SMYD3: variants seen among roughly 807,000 people sequenced by gnomAD.
The protein encoded by SMYD3 is SET and MYND domain containing 3.
In SMYD3, 36 loss-of-function variants were observed where a neutral mutation model predicts 57.7. The observed-to-expected ratio is 0.62, with a 90% CI of 0.48 to 0.82. The LOEUF is 0.82. Among genes scored for constraint, SMYD3 ranks in the 40% least tolerant of loss-of-function variants. The pLI is 0.00. For synonymous variants in SMYD3, 211 were observed against 195.0 expected (o/e 1.08, Z -0.68); for missense variants, 515 against 538.8 (o/e 0.96, Z 0.44).
chr1:245,856,088 C>A (rs888427245), intron 10 of SMYD3, among the ~76,000 whole-genome samples: 8 of 152,206 alleles, frequency 5.3e-5, no homozygotes, highest in Admixed American at 5.2e-4. Context: ...AAAACCACTG[C>A]CAACTTCTCC....
At chr1:246,262,957 G>A (rs1247436776) in intron 5 of SMYD3, among the ~76,000 whole-genome samples, 2 of 152,154 alleles carry the variant, frequency 1.3e-5, no homozygotes, top group African/African-American at 4.8e-5. Context: ...GCCTGACACA[G>A]CATGATGCAC....
chr1:246,302,559 G>T (rs1265197917), intron 5 of SMYD3, among the ~76,000 whole-genome samples: 1 of 152,194 alleles, frequency 6.6e-6, no homozygotes, highest in Non-Finnish European at 1.5e-5. Context: ...CTGTTACAAT[G>T]ATTTATATAT....
chr1:246,119,413 CTTTTT>C (rs111657622), intron 5 of SMYD3, among the ~76,000 whole-genome samples: 16 of 130,196 alleles, frequency 1.2e-4, no homozygotes, highest in East Asian at 4.2e-4. Flanking sequence ...TTTGTTCTTT[CTTTTT>C]TTTTTTTTTT....
chr1:246,098,670 A>G (rs1283960066), intron 5 of SMYD3, among the ~76,000 whole-genome samples: 1 of 152,192 alleles, frequency 6.6e-6, no homozygotes, highest in Non-Finnish European at 1.5e-5. Context: ...AATTATGTTC[A>G]TCACTTAGAA....
chr1:245,913,312 T>G (rs1173179474), intron 8 of SMYD3, among the ~76,000 whole-genome samples: 2 of 138,772 alleles, frequency 1.4e-5, no homozygotes, highest in African/African-American at 2.7e-5. Context: ...AATTGAACAA[T>G]GAGAACACAT....
intron 5 of SMYD3, among the ~76,000 whole-genome samples, chr1:246,235,082 G>A (rs928044096): frequency 3.9e-5 from 6 of 152,128 alleles, no homozygotes; most frequent in Non-Finnish European, 8.8e-5. Flanking sequence ...TCAAAACTAG[G>A]AGGTCCTTTG....
intron 1 of SMYD3, among the ~76,000 whole-genome samples, chr1:246,504,861 G>A (rs2068512160): frequency 6.6e-6 from 1 of 152,216 alleles, no homozygotes; most frequent in African/African-American, 2.4e-5. Flanking sequence ...AAGATGACAA[G>A]TAATACAGAA....
At chr1:245,903,939 A>G (rs2054370773) in intron 8 of SMYD3, among the ~76,000 whole-genome samples, 1 of 151,954 alleles carries the variant, frequency 6.6e-6, no homozygotes, top group African/African-American at 2.4e-5. Flanking sequence ...CCCTAGAGAC[A>G]TTTTCCCCGC....
At chr1:246,431,977 C>T (rs1282231147) in intron 1 of SMYD3, among the ~76,000 whole-genome samples, 6 of 152,158 alleles carry the variant, frequency 3.9e-5, no homozygotes, top group African/African-American at 1.4e-4. Context: ...ACATATCTGA[C>T]TATACTCTGG....
chr1:245,948,581 A>G (rs2057504989), intron 5 of SMYD3, among the ~76,000 whole-genome samples: 1 of 152,116 alleles, frequency 6.6e-6, no homozygotes, highest in African/African-American at 2.4e-5. Context: ...TCGAGTCCTA[A>G]GCAGCTACAG....
At chr1:246,036,689 G>A (rs1185391266) in intron 5 of SMYD3, among the ~76,000 whole-genome samples, 9 of 148,880 alleles carry the variant, frequency 6.0e-5, no homozygotes, top group Non-Finnish European at 1.2e-4. Context: ...GAGTAGCTGG[G>A]ACTACAGGCG....
chr1:246,120,411 G>A (rs2061407439), intron 5 of SMYD3, among the ~76,000 whole-genome samples: 2 of 151,992 alleles, frequency 1.3e-5, no homozygotes, highest in Admixed American at 1.3e-4. Context: ...TAAATTCCTA[G>A]TCCCCCTTCC....
intron 1 of SMYD3, among the ~76,000 whole-genome samples, chr1:246,404,307 C>A (rs1007482149): frequency 6.6e-6 from 1 of 152,194 alleles, no homozygotes; most frequent in African/African-American, 2.4e-5. Flanking sequence ...GAACACATTT[C>A]CTCCAGCCTG....
chr1:246,495,202 A>G (rs1451900769), intron 1 of SMYD3, among the ~76,000 whole-genome samples: 1 of 152,014 alleles, frequency 6.6e-6, no homozygotes, highest in Non-Finnish European at 1.5e-5. Context: ...ACAAAAAATT[A>G]GCCAGGCGTG....
At chr1:246,085,739 T>A (rs565642594) in intron 5 of SMYD3, among the ~76,000 whole-genome samples, 8 of 152,268 alleles carry the variant, frequency 5.3e-5, no homozygotes, top group Non-Finnish European at 1.0e-4. Flanking sequence ...GTCTCCCATG[T>A]CACATAAAAC....
chr1:246,177,669 A>C (rs2062457039), intron 5 of SMYD3, among the ~76,000 whole-genome samples: 1 of 152,192 alleles, frequency 6.6e-6, no homozygotes, highest in Non-Finnish European at 1.5e-5. Flanking sequence ...TTCTAAGTAA[A>C]GCCTAGTCCA....
chr1:246,153,392 A>G (rs1276650780), intron 5 of SMYD3, among the ~76,000 whole-genome samples: 4 of 115,802 alleles, frequency 3.5e-5, no homozygotes, highest in Non-Finnish European at 1.7e-5. Flanking sequence ...TCAGCCTAAA[A>G]CCCTGCTGGA....
At chr1:246,497,577 G>A (rs1206566758) in intron 1 of SMYD3, among the ~76,000 whole-genome samples, 40 of 152,208 alleles carry the variant, frequency 2.6e-4, no homozygotes, top group Admixed American at 2.6e-3. Context: ...CTTGATCTAC[G>A]AGGTGCTACA....
intron 1 of SMYD3, among the ~76,000 whole-genome samples, chr1:246,365,269 TAAAG>T (rs1030836596): frequency 4.1e-5 from 6 of 146,168 alleles, no homozygotes; most frequent in African/African-American, 1.5e-4. Context: ...AATAAGTAGA[TAAAG>T]AAGATAAGAA....
Sources: gnomAD v4.1 joint callset for allele counts (sites outside exome capture counted in the v4.1 genomes callset) on GRCh38, gnomAD v4.1.1 for gene constraint, MANE v1.5 for transcripts, NCBI Gene and HGNC (gene_info 2026-07-23, HGNC 2026-07-21) for gene names.